The following WBP1L variants were observed in gnomAD, a reference collection of about 807,000 sequenced individuals.
WBP1L encodes WW domain binding protein 1-like.
Under a neutral mutation model 33.7 loss-of-function variants are expected in WBP1L, and 17 were observed. That is an observed-to-expected ratio of 0.50 (90% CI 0.34 to 0.76). WBP1L has a LOEUF of 0.76. WBP1L is among the 30% of genes least tolerant of loss of function. WBP1L has a pLI of 0.01. For missense variants in WBP1L, 389 were observed against 469.4 expected, an observed-to-expected ratio of 0.83 and a Z score of 1.58; for synonymous variants, 173 against 190.8, an observed-to-expected ratio of 0.91 and a Z score of 0.77.
In WBP1L at chr10:102,806,477, C is replaced by G. The variant is rs535030207; in HGVS notation, c.194-3416C>G. On this transcript the variant is annotated intron_variant, in intron 2 of 3. Coordinates refer to ENST00000448841, the MANE Select transcript of WBP1L (RefSeq NM_001083913.2). ...CCATAACTCCTTTCCAGCCTCTCCA[C>G]CCTTCTGCAAGGGTTCCTCTGCCAG... 4.6e-5 allele frequency among the ~76,000 whole-genome samples: 7 copies of G among 152,312 alleles called. No individual in the cohort carries two copies. The East Asian group carries it at 1.3e-3, about 29-fold the overall frequency.
At position 102,743,991 on chromosome 10, in the gene WBP1L, A is replaced by AGGAGAG; in HGVS notation, c.-58_-53dup. 3 of 1,186,468 alleles carry AGGAGAG rather than the reference A, an allele frequency of 2.5e-6. No individual in the cohort carries two copies. Among genetic ancestry groups the AGGAGAG allele is most frequent in the African/African-American group, 1.5e-5 (1 of 65,632 alleles). 73.5% of individuals were successfully genotyped at this position (1,186,468 alleles called of 1,614,324 possible). A position where few individuals can be genotyped will look rare whatever the true frequency, so the allele number is the denominator to read the frequency against. On this transcript the variant is annotated 5_prime_UTR_variant, in exon 1 of 4. Transcript: ENST00000448841. The stretch of plus-strand genomic sequence containing the variant: ...GGAAGAAGGAAGAAGAGGGTAGAGG[A>AGGAGAG]GGAGAGGGAGGAGGAGGAGGGAGGT...
At chr10:102,753,120 A>G (rs1226538464) in intron 1 of WBP1L, among the ~76,000 whole-genome samples, 2 of 152,126 alleles carry the variant, frequency 1.3e-5, no homozygotes, top group African/African-American at 4.8e-5. Flanking sequence ...CCATTCATGG[A>G]CACCACTGGG....
intron 1 of WBP1L, among the ~76,000 whole-genome samples, chr10:102,782,214 C>CTTTT (rs397961661): frequency 0.13 from 6,597 of 49,078 alleles, 1,119 homozygotes; most frequent in East Asian, 0.31. Context: ...AAAGAAGCTG[C>CTTTT]TTTTTTTTTT....
At chr10:102,768,845 G>A (rs1471441659) in intron 1 of WBP1L, among the ~76,000 whole-genome samples, 3 of 150,440 alleles carry the variant, frequency 2.0e-5, no homozygotes, top group African/African-American at 7.3e-5. Flanking sequence ...CTGCCACCAC[G>A]CCCGGCTAAT....
chr10:102,748,704 C>G (rs1842893151), intron 1 of WBP1L, among the ~76,000 whole-genome samples: 1 of 152,186 alleles, frequency 6.6e-6, no homozygotes, highest in African/African-American at 2.4e-5. Flanking sequence ...TCCCCAGGAG[C>G]TGGAAATCTT....
intron 1 of WBP1L, among the ~76,000 whole-genome samples, chr10:102,797,154 T>G (rs962971150): frequency 6.6e-5 from 10 of 152,340 alleles, no homozygotes; most frequent in East Asian, 1.9e-4. Context: ...GTAGATTTTT[T>G]TTGTTGTTGC....
intron 1 of WBP1L, among the ~76,000 whole-genome samples, chr10:102,762,093 T>C (rs1590170017): frequency 6.6e-6 from 1 of 152,264 alleles, no homozygotes; most frequent in Non-Finnish European, 1.5e-5. Flanking sequence ...CCTCAAGCAT[T>C]CTTCCCACCT....
At chr10:102,802,553 C>T (rs904177117) in intron 2 of WBP1L, among the ~76,000 whole-genome samples, 9 of 152,180 alleles carry the variant, frequency 5.9e-5, no homozygotes, top group African/African-American at 2.2e-4. Context: ...CACTCCCTCG[C>T]CCAGGCTGAA....
chr10:102,793,580 C>T (rs568293519), intron 1 of WBP1L, among the ~76,000 whole-genome samples: 6 of 152,306 alleles, frequency 3.9e-5, no homozygotes, highest in Admixed American at 3.3e-4. Flanking sequence ...GCCCACATTG[C>T]CACAGAGAAC....
At chr10:102,806,508 A>C (rs1438791185) in intron 2 of WBP1L, among the ~76,000 whole-genome samples, 1 of 152,086 alleles carries the variant, frequency 6.6e-6, no homozygotes, top group Non-Finnish European at 1.5e-5. Context: ...GCCAGTGTCT[A>C]CTCTTAAGTC....
chr10:102,805,787 A>G (rs1843724423), intron 2 of WBP1L, among the ~76,000 whole-genome samples: 2 of 151,734 alleles, frequency 1.3e-5, no homozygotes, highest in Admixed American at 1.3e-4. Context: ...AGTCCCAGCT[A>G]CTCAGGAGGC....
At chr10:102,757,404 T>G (rs1425065066) in intron 1 of WBP1L, among the ~76,000 whole-genome samples, 1 of 152,164 alleles carries the variant, frequency 6.6e-6, no homozygotes, top group Non-Finnish European at 1.5e-5. Context: ...TGGGCACTGT[T>G]TGTCAAGTAT....
In WBP1L at chr10:102,812,925, CG is replaced by C; in HGVS notation, c.691del (p.Ala231ProfsTer14). 4 of 1,590,292 alleles carry C rather than the reference CG, an allele frequency of 2.5e-6. No individual in the cohort carries two copies. The highest frequency in any genetic ancestry group is 1.7e-4 in the Middle Eastern group (1 of 5,948). On this transcript the variant is annotated frameshift_variant, in exon 4 of 4. Coordinates refer to ENST00000448841, the MANE Select transcript of WBP1L (RefSeq NM_001083913.2). LOFTEE classifies it high-confidence loss of function. ...GTGGCTGGCCTGGGGGAGCTGGACC[CG>C]GGGGCCTTCCTGGACAAAGATGCAG... ...GSVAGLGELD[P>X]GAFLDKDAEC...
At chr10:102,766,654 G>A (rs1843115167) in intron 1 of WBP1L, among the ~76,000 whole-genome samples, 1 of 149,926 alleles carries the variant, frequency 6.7e-6, no homozygotes, top group Non-Finnish European at 1.5e-5. Flanking sequence ...CCAACATGGT[G>A]AAACCATGTC....
chr10:102,768,381 T>G lies in WBP1L; in HGVS notation c.90+24238T>G, dbSNP rs868781592. 1.1e-3 allele frequency among the ~76,000 whole-genome samples: 11 copies of G among 10,382 alleles called. 2 individuals carry two copies. The highest frequency in any genetic ancestry group is 3.1e-3 in the Admixed American group (4 of 1,270). The allele number at this position is 10,382 out of a possible 152,430, so 6.8% of individuals were successfully genotyped here. On this transcript the variant is annotated intron_variant, in intron 1 of 3. Coordinates refer to ENST00000448841, the MANE Select transcript of WBP1L (RefSeq NM_001083913.2). ...TGGCATTAGTTTTTTGTTTTTTTTTTTTTTTTTTTTTTTTTGAGACGGAGT... is the reference window on the plus strand; with the variant it reads ...TGGCATTAGTTTTTTGTTTTTTTTTGTTTTTTTTTTTTTTTGAGACGGAGT...
chr10:102,772,741 T>A (rs1168493588), intron 1 of WBP1L, among the ~76,000 whole-genome samples: 1 of 150,422 alleles, frequency 6.6e-6, no homozygotes, highest in African/African-American at 2.5e-5. Flanking sequence ...AGCTAATTTT[T>A]GTATTTTCTG....
chr10:102,753,732 C>T (rs555418058), intron 1 of WBP1L, among the ~76,000 whole-genome samples: 2 of 152,130 alleles, frequency 1.3e-5, no homozygotes, highest in Admixed American at 6.5e-5. Flanking sequence ...TTCAAGATCT[C>T]AGGTGTTTAA....
intron 1 of WBP1L, among the ~76,000 whole-genome samples, chr10:102,749,149 A>G (rs7342026): frequency 0.21 from 31,604 of 152,230 alleles, 3,396 homozygotes; most frequent in Middle Eastern, 0.31. Flanking sequence ...TGTGCCGTCC[A>G]ATTCAGTAGC....
Position 102,801,264 on chromosome 10 carries a change from T to G in WBP1L, c.193+3169T>G, listed in dbSNP as rs116286359. Among the ~76,000 whole-genome samples, 1,198 of 152,320 alleles carry G rather than the reference T, an allele frequency of 7.9e-3. 11 individuals carry two copies. Among genetic ancestry groups the G allele is most frequent in the African/African-American group, 0.028 (1,148 of 41,566 alleles). On this transcript the variant is annotated intron_variant, in intron 2 of 3. Coordinates refer to ENST00000448841, the MANE Select transcript of WBP1L (RefSeq NM_001083913.2). ...GTTGTTAGTATTATCTCCATGCATT[T>G]TTACGGCACCTGTACTTTAATTCAT...
Sources: gnomAD v4.1 joint callset for allele counts (sites outside exome capture counted in the v4.1 genomes callset) on GRCh38, gnomAD v4.1.1 for gene constraint, MANE v1.5 for transcripts, NCBI Gene and HGNC (gene_info 2026-07-23, HGNC 2026-07-21) for gene names.